ZNF91: variants seen among roughly 807,000 people sequenced by gnomAD.
The protein encoded by ZNF91 is zinc finger protein 91, also known as zinc finger protein 91 (HPF7, HTF10).
A neutral mutation model predicts 12.6 loss-of-function variants in ZNF91; 7 were observed. That is an observed-to-expected ratio of 0.55 (90% CI 0.31 to 1.04). The LOEUF (loss-of-function observed/expected upper bound fraction) is 1.04. Among genes scored for constraint, ZNF91 ranks in the 50% least tolerant of loss-of-function variants. The probability of loss-of-function intolerance (pLI) is 0.05; values close to 1 mark genes in which losing one functional copy is unlikely to be tolerated. For synonymous variants in ZNF91, 453 were observed against 462.6 expected (o/e 0.98, Z 0.27); for missense variants, 1,217 against 1,385.4 (o/e 0.88, Z 1.93).
chr19:23,383,034 A>G (rs903356938), intron 1 of ZNF91, among the ~76,000 whole-genome samples: 1 of 152,212 alleles, frequency 6.6e-6, no homozygotes, highest in African/African-American at 2.4e-5. Context: ...AACCTGGCAG[A>G]GATAAAACAA....
At chr19:23,317,234 G>A (rs563402125) in intron 1 of ZNF91, among the ~76,000 whole-genome samples, 1 of 152,046 alleles carries the variant, frequency 6.6e-6, no homozygotes, top group African/African-American at 2.4e-5. Context: ...ATTTTTAGTA[G>A]AGACGGGGTT....
intron 3 of ZNF91, among the ~76,000 whole-genome samples, chr19:23,349,157 C>G (rs1968303286): frequency 6.6e-6 from 1 of 152,154 alleles, no homozygotes; most frequent in Admixed American, 6.5e-5. Flanking sequence ...TGATCCTGCT[C>G]TACCCTTTTG....
chr19:23,366,200 C>G (rs975146356), intron 3 of ZNF91, among the ~76,000 whole-genome samples: 1 of 151,200 alleles, frequency 6.6e-6, no homozygotes, highest in African/African-American at 2.4e-5. Context: ...CGGGGGCTGA[C>G]CCCCCCACCT....
Position 23,325,522 on chromosome 19 carries a change from G to T in ZNF91, n.117-16425C>A, listed in dbSNP as rs573882144. 6 of 152,176 alleles carry T rather than the reference G, an allele frequency of 3.9e-5. No individual in the cohort carries two copies. In the South Asian group the frequency reaches 1.2e-3, roughly 32 times the overall value. The allele number at this position is 152,176 out of a possible 1,614,324, so 9.4% of individuals were successfully genotyped here. A position where few individuals can be genotyped will look rare whatever the true frequency, so the allele number is the denominator to read the frequency against. ...AATTTTTCTGAAGCAGTGATCTTTTGTCATCTTGATCACACTACAAGTCGC... is the reference window on the plus strand; with the variant it reads ...AATTTTTCTGAAGCAGTGATCTTTTTTCATCTTGATCACACTACAAGTCGC... On this transcript the variant is annotated intron_variant and non_coding_transcript_variant, in intron 1 of 1. Coordinates refer to the ZNF91 transcript ENST00000596528.
chr19:23,361,858 T>G lies in ZNF91; in HGVS notation c.1121A>C (p.Glu374Ala), dbSNP rs745599269. The G allele has an allele frequency of 4.4e-6, 7 of 1,608,162 alleles. No individual in the cohort carries two copies. Among genetic ancestry groups the G allele is most frequent in the South Asian group, 2.2e-5 (2 of 90,644 alleles). Residue 374 changes from glutamate to alanine, a missense_variant, in exon 4 of 4, where the codon GAA becomes GCA. By Grantham distance (107) the Glu-to-Ala change is moderately radical. Around this residue, in one of 2 missense-constraint regions of ZNF91, gnomAD observed 726 missense variants for 895.5 expected, o/e 0.81. Transcript: ENST00000300619. Reference protein sequence around the residue: ...TLANHKITHTEEKPYKCKECD... With the variant: ...TLANHKITHTAEKPYKCKECD... ...TTCTTTACATTTGTAGGGTTTCTCT[T>G]CAGTATGAGTTATCTTATGATTAGC...
chr19:23,372,795 G>A (rs1314421678), intron 3 of ZNF91, among the ~76,000 whole-genome samples: 1 of 152,150 alleles, frequency 6.6e-6, no homozygotes, highest in Non-Finnish European at 1.5e-5. Context: ...ACAGTTCATG[G>A]CCGGTTCTGC....
chr19:23,332,523 C>T (rs1967944198), intron 1 of ZNF91, among the ~76,000 whole-genome samples: 1 of 152,082 alleles, frequency 6.6e-6, no homozygotes, highest in Admixed American at 6.5e-5. Context: ...GGACTACCTA[C>T]CATAGAGACA....
intron 3 of ZNF91, among the ~76,000 whole-genome samples, chr19:23,364,038 G>C (rs1485995765): frequency 6.6e-6 from 1 of 152,190 alleles, no homozygotes; most frequent in Non-Finnish European, 1.5e-5. Context: ...GCCAGGCCAG[G>C]CCAGGCATGG....
At chr19:23,310,700 C>A (rs999901042), upstream of ZNF91, 1 of 152,144 alleles carries the variant, frequency 6.6e-6, no homozygotes, top group African/African-American at 2.4e-5. Context: ...AACCCAGTAG[C>A]TAGGTGATGT....
rs778896237 is a variant in ZNF91, at chr19:23,361,298, G to C, written c.1681C>G (p.Leu561Val). ...CGKAFKQFST[L>V]TTHKIIHAGK... ...GCATGAATTATTTTATGTGTAGTAAGGGTTGAGAATTGCTTAAAAGCTTTG... is the reference window on the plus strand; with the variant it reads ...GCATGAATTATTTTATGTGTAGTAACGGTTGAGAATTGCTTAAAAGCTTTG... Residue 561 changes from leucine (L) to valine (V), a missense_variant, in exon 4 of 4, where the codon CTT (leucine) becomes GTT (valine). Transcript: ENST00000300619. 3.7e-6 allele frequency: 6 copies of C among 1,612,678 alleles called. No homozygotes were observed. Among genetic ancestry groups the C allele is most frequent in the Non-Finnish European group, 5.1e-6 (6 of 1,179,560 alleles).
chr19:23,361,464 A>G lies in ZNF91; in HGVS notation c.1515T>C (p.Leu505=). 1 of 1,613,162 alleles carries G rather than the reference A, an allele frequency of 6.2e-7. No homozygotes were observed. Among genetic ancestry groups the G allele is most frequent in the South Asian group, 1.1e-5 (1 of 91,026 alleles). Residue 505 remains leucine (L), a synonymous_variant, in exon 4 of 4, where the codon CTT becomes CTC. Transcript: ENST00000300619. ...CAGTATGAATTATCTTATGTTTAGT[A>G]AGGGTTGAGGATTGCCTAAAAGCTT... ...CGKAFRQSST[L]TKHKIIHTGE...
intron 1 of ZNF91, chr19:23,325,302 A>C (rs557349838): frequency 6.6e-6 from 1 of 152,154 alleles, no homozygotes; most frequent in South Asian, 2.1e-4. Flanking sequence ...ACAATTCTTA[A>C]ATCAGTGGAC....
intron 1 of ZNF91, among the ~76,000 whole-genome samples, chr19:23,387,941 C>CA (rs71163499): frequency 0.16 from 8,905 of 55,880 alleles, 1,049 homozygotes; most frequent in East Asian, 0.37. Flanking sequence ...GAGACTGTCT[C>CA]AAAAAAAAAA....
At chr19:23,366,305 T>C (rs550279206) in intron 3 of ZNF91, among the ~76,000 whole-genome samples, 1 of 152,156 alleles carries the variant, frequency 6.6e-6, no homozygotes, top group Non-Finnish European at 1.5e-5. Flanking sequence ...TGACCAGAAG[T>C]CTTTACTATC....
At chr19:23,368,871 T>TA (rs147574853) in intron 3 of ZNF91, among the ~76,000 whole-genome samples, 3,338 of 151,584 alleles carry the variant, frequency 0.022, 61 homozygotes, top group Non-Finnish European at 0.037. Context: ...AAAACACAAA[T>TA]AAAAAAACAT....
At chr19:23,391,316 C>T (rs1425676089) in intron 1 of ZNF91, among the ~76,000 whole-genome samples, 1 of 152,158 alleles carries the variant, frequency 6.6e-6, no homozygotes, top group East Asian at 1.9e-4. Context: ...TTATTTTCTT[C>T]CCACAGGCTC....
chr19:23,316,102 T>G (rs564783460), intron 1 of ZNF91, among the ~76,000 whole-genome samples: 2 of 152,140 alleles, frequency 1.3e-5, no homozygotes, highest in South Asian at 2.1e-4. Flanking sequence ...ACATTTTTGT[T>G]GCCTGGGACC....
chr19:23,307,677 T>C (rs1450823246), intron 2 of ZNF91: 2 of 152,146 alleles, frequency 1.3e-5, no homozygotes, highest in Non-Finnish European at 2.9e-5. Flanking sequence ...TGTGACTCTC[T>C]CCTTTTTCCT....
rs200251921 is a variant in ZNF91 at position 23,373,346 on chromosome 19, TTATATATATATATATATATATA to T, written c.253+374_253+395del. 0.022 allele frequency among the ~76,000 whole-genome samples: 1,846 copies of T among 85,806 alleles called. 163 individuals are homozygous for T. The East Asian group carries it at 0.28, about 13-fold the overall frequency. 56.3% of individuals were successfully genotyped at this position (85,806 alleles called of 152,430 possible). On this transcript the variant is annotated intron_variant, in intron 3 of 3. Transcript: ENST00000300619. ...GTTGCTTTTTGTAGATCATGTAATC[TTATATATATATATATATATATA>T]TATATATATATATATATAAATAAAC...
Sources: allele counts gnomAD v4.1 joint callset (sites outside exome capture counted in the v4.1 genomes callset), GRCh38; gene constraint gnomAD v4.1.1; regional missense constraint gnomAD v4.1.1; transcripts MANE v1.5; gene names NCBI Gene and HGNC (gene_info 2026-07-23, HGNC 2026-07-21).